The following TRIM27 variants were observed in gnomAD, a reference collection of about 807,000 sequenced individuals.
The protein encoded by TRIM27 is tripartite motif containing 27.
TRIM27 carries 12 observed loss-of-function variants against 57.6 expected under a neutral mutation model. The ratio of observed to expected loss-of-function variants is 0.21; its 90% CI spans 0.13 to 0.34. The LOEUF (loss-of-function observed/expected upper bound fraction) is 0.34. Ranked by LOEUF, TRIM27 falls within the 10% of genes least tolerant of loss-of-function variation. The pLI is 1.00. For missense variants in TRIM27, 403 were observed against 656.8 expected (o/e 0.61, Z 4.22); for synonymous variants, 266 against 259.0 (o/e 1.03, Z -0.26).
At position 28,920,111 on chromosome 6, in the gene TRIM27, A is replaced by G. The variant is rs1184995093; in HGVS notation, c.648T>C (p.Asn216=). The change falls in exon 3 of 8, where the codon AAT becomes AAC. Residue 216 remains asparagine (N), a synonymous_variant. Transcript: ENST00000377199. ...ELDLAIYNSI[N]GAITQFSCNI... ...TGCAAGAGAACTGGGTGATGGCACC[A>G]TTGATGCTATTGTAGATGGCCAAGT... The G allele has an allele frequency of 1.2e-6, 2 of 1,614,236 alleles. No homozygotes were observed. The highest frequency in any genetic ancestry group is 1.1e-5 in the South Asian group (1 of 91,088).
chr6:28,911,818 A>G, intron 3 of TRIM27, 100 bp from the exon 4 acceptor site: 2 of 1,133,810 alleles, frequency 1.8e-6, no homozygotes, highest in Non-Finnish European at 2.6e-6. Flanking sequence ...ACTGGCTCTC[A>G]TGGGAGAAAT....
intron 3 of TRIM27, 72 bp from the exon 4 acceptor site, chr6:28,911,790 T>C (rs1773227686): frequency 2.7e-6 from 4 of 1,474,736 alleles, no homozygotes; most frequent in Non-Finnish European, 1.9e-6. Flanking sequence ...CAGATGTTTG[T>C]TGAAAAACCA....
intron 6 of TRIM27, chr6:28,907,872 T>C: frequency 3.5e-6 from 1 of 287,028 alleles, no homozygotes; most frequent in South Asian, 4.9e-5. Flanking sequence ...AGGACATGTA[T>C]CTGCTAGCTC....
At chr6:28,907,747 CT>C in intron 6 of TRIM27, 1 of 389,430 alleles carries the variant, frequency 2.6e-6, no homozygotes, top group South Asian at 2.2e-5. Flanking sequence ...CCCACTAAGA[CT>C]TTTAAGTGGC....
At chr6:28,922,689 T>C (rs941614777) in intron 1 of TRIM27, among the ~76,000 whole-genome samples, 4 of 152,224 alleles carry the variant, frequency 2.6e-5, no homozygotes, top group Non-Finnish European at 5.9e-5. Context: ...ATATTCCTCA[T>C]AACTGTGTTA....
chr6:28,908,886 T>C, intron 5 of TRIM27, 46 bp from the exon 6 acceptor site: 1 of 1,610,904 alleles, frequency 6.2e-7, no homozygotes, highest in Non-Finnish European at 8.5e-7. Context: ...TCCCACTATC[T>C]GGCTGGAAAA....
chr6:28,912,876 G>C (rs76683848), intron 3 of TRIM27, among the ~76,000 whole-genome samples: 5,533 of 152,226 alleles, frequency 0.036, 176 homozygotes, highest in African/African-American at 0.082. Flanking sequence ...AAAGAAATCA[G>C]TGTATTGGGA....
At chr6:28,907,215 G>T (rs1393364478) in intron 7 of TRIM27, 21 bp downstream of exon 7, 2 of 1,605,536 alleles carry the variant, frequency 1.2e-6, no homozygotes, top group East Asian at 2.2e-5. Flanking sequence ...CCCTAATATG[G>T]TTTTGTCTCT....
At chr6:28,908,904 C>T in intron 5 of TRIM27, 64 bp from the exon 6 acceptor site, 1 of 1,604,756 alleles carries the variant, frequency 6.2e-7, no homozygotes, top group Non-Finnish European at 8.5e-7. Context: ...AAATTATCCT[C>T]TTCATCAGGC....
rs1774245422 is a variant in TRIM27, at chr6:28,923,667, C to T, written c.-35G>A. 2 of 1,505,698 alleles carry T rather than the reference C, an allele frequency of 1.3e-6. No individual in the cohort carries two copies. The highest frequency in any genetic ancestry group is 1.8e-6 in the Non-Finnish European group (2 of 1,122,366). The allele number at this position is 1,505,698 out of a possible 1,614,324, so 93.3% of individuals were successfully genotyped here. A position where few individuals can be genotyped will look rare whatever the true frequency, so the allele number is the denominator to read the frequency against. On this transcript the variant is annotated 5_prime_UTR_variant, in exon 1 of 8. Coordinates refer to ENST00000377199, the MANE Select transcript of TRIM27 (RefSeq NM_006510.5). ...CTGCGGGGGCGCACGGGCATGGGCC[C>T]CGGCGCCGAGCTCTGCACTGAGCCC...
At position 28,906,775 on chromosome 6, in the gene TRIM27, G is replaced by A. The variant is rs148534755; in HGVS notation, c.946+461C>T. 1,330 of 157,358 alleles carry A rather than the reference G, an allele frequency of 8.5e-3. 15 individuals are homozygous for A. The highest frequency in any genetic ancestry group is 0.029 in the African/African-American group (1,200 of 41,682). The allele number at this position is 157,358 out of a possible 1,614,324, so 9.7% of individuals were successfully genotyped here. On this transcript the variant is annotated intron_variant, in intron 7 of 7. Coordinates refer to ENST00000377199, the MANE Select transcript of TRIM27 (RefSeq NM_006510.5). ...GCTCTATAGTAGGGTGAAAGCGGTT[G>A]TGAGGGGGAAGGGAAGTTTCAAACT... is the stretch of plus-strand genomic sequence containing the variant.
chr6:28,922,820 G>C (rs1211801542), intron 1 of TRIM27, among the ~76,000 whole-genome samples: 4 of 152,198 alleles, frequency 2.6e-5, no homozygotes, highest in Admixed American at 2.0e-4. Flanking sequence ...ATAGACTAAG[G>C]AATGGGCATA....
chr6:28,907,560 G>C, intron 6 of TRIM27: 1 of 644,456 alleles, frequency 1.6e-6, no homozygotes, highest in Non-Finnish European at 2.9e-6. Context: ...TGAGTCAGCT[G>C]ATTCTGCAGA....
chr6:28,904,114 C>A lies in TRIM27; in HGVS notation c.1498G>T (p.Gly500Cys). Reference sequence around the variant, plus strand: ...GAATGACCATGATTCCCAACATGGCCAGAAAACCCATCTATCCCACTCATG... The same window carrying A: ...GAATGACCATGATTCCCAACATGGCAAGAAAACCCATCTATCCCACTCATG... ...CPMSGIDGFS[G>C]HVGNHGHSME... The change falls in exon 8 of 8, where the codon GGC becomes TGC. Residue 500 changes from glycine to cysteine, a missense_variant. Transcript: ENST00000377199. The surrounding 1 kb of genome is among the most constrained non-coding windows in gnomAD (Gnocchi z 6.1). 1 of 1,613,012 alleles carries A rather than the reference C, an allele frequency of 6.2e-7. No homozygotes were observed. Among genetic ancestry groups the A allele is most frequent in the Non-Finnish European group, 8.5e-7 (1 of 1,180,016 alleles).
chr6:28,922,584 CACCTT>C (rs1414885898), intron 1 of TRIM27, among the ~76,000 whole-genome samples: 4 of 152,190 alleles, frequency 2.6e-5, no homozygotes, highest in Non-Finnish European at 4.4e-5. Flanking sequence ...CCTTGAAGGT[CACCTT>C]ACAACTGTTT....
intron 6 of TRIM27, 155 bp from the exon 7 acceptor site, chr6:28,907,417 T>C (rs187272806): frequency 1.5e-5 from 11 of 749,486 alleles, no homozygotes; most frequent in African/African-American, 3.5e-5. Context: ...TCATATGATG[T>C]ATGGCTCTAT....
chr6:28,912,131 G>A (rs536781529), intron 3 of TRIM27, among the ~76,000 whole-genome samples: 14 of 145,144 alleles, frequency 9.6e-5, no homozygotes, highest in South Asian at 2.2e-4. Context: ...TTTTTGAGAC[G>A]GAGTCTCGCT....
At position 28,920,058 on chromosome 6, in the gene TRIM27, G is replaced by A. The variant is rs576269250; in HGVS notation, c.701C>T (p.Ala234Val). Residue 234 changes from alanine (A) to valine (V), a missense_variant, in exon 3 of 8, where the codon GCT becomes GTT. By Grantham distance (64) the Ala-to-Val change is moderately conservative. Transcript: ENST00000377199. ...CTGCTGCTGCTTCTCTTCTAGCTGAGCGATCAGGCTGCTGAGGTGGGAGAT... is the reference window on the plus strand; with the variant it reads ...CTGCTGCTGCTTCTCTTCTAGCTGAACGATCAGGCTGCTGAGGTGGGAGAT... ...CNISHLSSLI[A>V]QLEEKQQQPT... The A allele has an allele frequency of 8.1e-6, 13 of 1,614,092 alleles. No individual in the cohort carries two copies. In the Admixed American group the frequency reaches 1.0e-4, roughly 12 times the overall value.
At chr6:28,911,011 C>T (rs1773163318) in intron 4 of TRIM27, among the ~76,000 whole-genome samples, 1 of 152,180 alleles carries the variant, frequency 6.6e-6, no homozygotes, top group Admixed American at 6.5e-5. Context: ...CATTCAGGAT[C>T]TTAATCACCT....
Sources: allele counts gnomAD v4.1 joint callset (sites outside exome capture counted in the v4.1 genomes callset), GRCh38; gene constraint gnomAD v4.1.1; non-coding constraint Gnocchi (gnomAD v3.1); transcripts MANE v1.5; gene names NCBI Gene and HGNC (gene_info 2026-07-23, HGNC 2026-07-21).